Variants in DNAH9 observed in about 807,000 individuals in gnomAD.
DNAH9 encodes dynein axonemal heavy chain 9.
In DNAH9, 345 loss-of-function variants were observed where a neutral mutation model predicts 471.6. That is an observed-to-expected ratio of 0.73 (90% confidence interval 0.67 to 0.80). DNAH9 has a LOEUF of 0.80. DNAH9 is among the 30% of genes least tolerant of loss of function. The pLI is 0.00. For missense variants in DNAH9, 5,407 were observed against 5,609.2 expected (o/e 0.96, Z 1.15); for synonymous variants, 2,093 against 2,123.6 (o/e 0.99, Z 0.40).
intron 28 of DNAH9, among the ~76,000 whole-genome samples, chr17:11,731,985 C>G (rs1427519904): frequency 6.6e-6 from 1 of 152,196 alleles, no homozygotes; most frequent in East Asian, 1.9e-4. Context: ...TTGACTTCCA[C>G]AATGGTTGAA....
At chr17:11,742,081 A>C (rs2075441050) in intron 29 of DNAH9, 94 bp from the exon 30 acceptor site, 1 of 1,156,260 alleles carries the variant, frequency 8.6e-7, no homozygotes. Context: ...AGATGCCTCC[A>C]TGTGTGATCT....
intron 27 of DNAH9, among the ~76,000 whole-genome samples, chr17:11,723,999 CT>C (rs1476459518): frequency 6.6e-6 from 1 of 152,040 alleles, no homozygotes; most frequent in Non-Finnish European, 1.5e-5. Context: ...TTTAAAACAT[CT>C]TTTTTATTGA....
At chr17:11,756,900 C>T (rs898785361) in intron 34 of DNAH9, among the ~76,000 whole-genome samples, 1 of 152,148 alleles carries the variant, frequency 6.6e-6, no homozygotes, top group African/African-American at 2.4e-5. Flanking sequence ...TACTTTTAGG[C>T]CAGTTCTAGC....
intron 11 of DNAH9, among the ~76,000 whole-genome samples, chr17:11,645,238 A>G (rs2073358214): frequency 6.6e-6 from 1 of 152,216 alleles, no homozygotes; most frequent in Non-Finnish European, 1.5e-5. Context: ...GGAGGGAAGA[A>G]TGGTGGCCGT....
chr17:11,626,900 A>C lies in DNAH9; in HGVS notation c.1351-2517A>C, dbSNP rs2072979685. Among the ~76,000 whole-genome samples, 1 of 152,148 alleles carries C rather than the reference A, an allele frequency of 6.6e-6. No homozygotes were observed. The highest frequency in any genetic ancestry group is 2.4e-5 in the African/African-American group (1 of 41,434). On this transcript the variant is annotated intron_variant, in intron 6 of 68. Transcript: ENST00000262442. This position sits in a 1 kb window ranked among gnomAD's most constrained non-coding sequence, Gnocchi z 4.3. ...ACAAACAGCATACATTCTTTCACTC[A>C]ACAAATGTGTTCAGGGTCAGGGACT... is the stretch of plus-strand genomic sequence containing the variant.
At chr17:11,933,568 T>C (rs3785942) in intron 64 of DNAH9, among the ~76,000 whole-genome samples, 69,287 of 151,458 alleles carry the variant, frequency 0.46, 16,387 homozygotes, top group Middle Eastern at 0.54. Context: ...TTAGTAGCGA[T>C]GGGGTTTCTC....
At chr17:11,631,640 C>CA (rs112063494) in intron 7 of DNAH9, among the ~76,000 whole-genome samples, 48,277 of 114,538 alleles carry the variant, frequency 0.42, 9,741 homozygotes, top group African/African-American at 0.63. Flanking sequence ...GACTCTGTCT[C>CA]AAAAAAAAAA....
At position 11,669,294 on chromosome 17, in the gene DNAH9, G is replaced by A. The variant is rs754649755; in HGVS notation, c.2928+34G>A. 4 of 1,601,066 alleles carry A rather than the reference G, an allele frequency of 2.5e-6. No individual in the cohort carries two copies. In the Admixed American group the frequency reaches 6.7e-5, roughly 27 times the overall value. On this transcript the variant is annotated intron_variant, in intron 16 of 68. Coordinates refer to ENST00000262442, the MANE Select transcript of DNAH9 (RefSeq NM_001372.4). Reference sequence around the variant, plus strand: ...GCTGCAGCCATCCTGCCCTCCAACTGTGTCCCGTCCAGCCGAATCTCGAAC... The same window carrying A: ...GCTGCAGCCATCCTGCCCTCCAACTATGTCCCGTCCAGCCGAATCTCGAAC...
At chr17:11,710,738 T>C (rs2074813850) in intron 26 of DNAH9, among the ~76,000 whole-genome samples, 3 of 152,372 alleles carry the variant, frequency 2.0e-5, no homozygotes, top group African/African-American at 7.2e-5. Context: ...TATTGCACTA[T>C]ATTTCATTCT....
intron 19 of DNAH9, among the ~76,000 whole-genome samples, chr17:11,682,766 C>T (rs2074157173): frequency 6.6e-6 from 1 of 152,066 alleles, no homozygotes; most frequent in African/African-American, 2.4e-5. Context: ...TTTGTAAGCT[C>T]CAGGAATTCC....
At chr17:11,603,011 G>T (rs1597607325) in intron 1 of DNAH9, among the ~76,000 whole-genome samples, 1 of 152,238 alleles carries the variant, frequency 6.6e-6, no homozygotes, top group South Asian at 2.1e-4. Flanking sequence ...GCTCCTTCAT[G>T]ATCATCATAC....
At chr17:11,682,739 G>C (rs1242861810) in intron 19 of DNAH9, among the ~76,000 whole-genome samples, 1 of 152,166 alleles carries the variant, frequency 6.6e-6, no homozygotes, top group Non-Finnish European at 1.5e-5. Flanking sequence ...CTGGAGGCGA[G>C]ACCTGTGAAT....
In DNAH9 at chr17:11,669,759, G is replaced by A; in HGVS notation, c.3318G>A (p.Leu1106=). 1 of 1,614,148 alleles carries A rather than the reference G, an allele frequency of 6.2e-7. No individual in the cohort carries two copies. The highest frequency in any genetic ancestry group is 8.5e-7 in the Non-Finnish European group (1 of 1,180,028). ...ATATTATTAAGAGGTGGAGCCTCCT[G>A]TTCAAACAGCATCTTGTGGACCACG... ...LLNIIKRWSL[L]FKQHLVDHVT... is the part of the protein sequence containing the mutation. Residue 1106 remains leucine, a synonymous_variant, in exon 17 of 69, where the codon CTG becomes CTA. Coordinates refer to ENST00000262442, the MANE Select transcript of DNAH9 (RefSeq NM_001372.4).
intron 50 of DNAH9, among the ~76,000 whole-genome samples, chr17:11,864,403 C>T (rs1971968306): frequency 6.6e-6 from 1 of 151,974 alleles, no homozygotes; most frequent in Non-Finnish European, 1.5e-5. Flanking sequence ...GTTATAATTT[C>T]TGTTCTTTTA....
rs546375207 is a variant in DNAH9, at chr17:11,768,703, C to T, written c.7344+77C>T. The T allele has an allele frequency of 2.1e-4, 323 of 1,524,160 alleles. 3 individuals are homozygous for T. In the South Asian group the frequency reaches 3.7e-3, roughly 17 times the overall value. 94.4% of individuals were successfully genotyped at this position (1,524,160 alleles called of 1,614,324 possible). A position where few individuals can be genotyped will look rare whatever the true frequency, so the allele number is the denominator to read the frequency against. On this transcript the variant is annotated intron_variant, in intron 37 of 68. Coordinates refer to ENST00000262442, the MANE Select transcript of DNAH9 (RefSeq NM_001372.4). ...TGCAGTGGCTCCAGTAGCAGCCCCGCATGGCTATCTGAGCATTTGTCCTTG... is the reference window on the plus strand; with the variant it reads ...TGCAGTGGCTCCAGTAGCAGCCCCGTATGGCTATCTGAGCATTTGTCCTTG...
intron 61 of DNAH9, among the ~76,000 whole-genome samples, chr17:11,914,626 G>A (rs887316893): frequency 1.3e-5 from 2 of 152,122 alleles, no homozygotes; most frequent in African/African-American, 4.8e-5. Context: ...GTCCAAAATG[G>A]TTTTTATCAG....
chr17:11,888,118 G>A (rs1972937043), intron 57 of DNAH9, among the ~76,000 whole-genome samples: 1 of 151,838 alleles, frequency 6.6e-6, no homozygotes, highest in African/African-American at 2.4e-5. Flanking sequence ...GAGTAGCTGG[G>A]ACTACAGGTG....
chr17:11,816,353 A>G (rs1970094418), intron 45 of DNAH9, among the ~76,000 whole-genome samples: 1 of 152,194 alleles, frequency 6.6e-6, no homozygotes, highest in African/African-American at 2.4e-5. Context: ...CATCGTTTAT[A>G]CGGTCAGCTC....
intron 46 of DNAH9, 71 bp downstream of exon 46, chr17:11,822,133 G>A (rs1163995404): frequency 9.9e-6 from 15 of 1,522,670 alleles, no homozygotes; most frequent in East Asian, 6.8e-5. Context: ...CTGATATTTC[G>A]GGCACAACTG....
Sources: gnomAD v4.1 joint callset for allele counts (sites outside exome capture counted in the v4.1 genomes callset) on GRCh38, gnomAD v4.1.1 for gene constraint, Gnocchi (gnomAD v3.1) non-coding constraint, MANE v1.5 for transcripts, NCBI Gene and HGNC (gene_info 2026-07-23, HGNC 2026-07-21) for gene names.